The following GLIS3 variants were observed in gnomAD, a reference collection of about 807,000 sequenced individuals.
GLIS3 encodes zinc finger protein GLIS3.
In GLIS3, 53 loss-of-function variants were observed where a neutral mutation model predicts 78.6. The ratio of observed to expected loss-of-function variants is 0.67; its 90% CI spans 0.54 to 0.85. The LOEUF is 0.85. GLIS3 is among the 40% of genes least tolerant of loss of function. GLIS3 has a pLI of 0.00. For synonymous variants in GLIS3, 684 were observed against 509.9 expected (o/e 1.34, Z -4.60); for missense variants, 1,703 against 1,231.1 (o/e 1.38, Z -5.74).
At position 3,956,028 on chromosome 9, in the gene GLIS3, C is replaced by CCA. The variant is rs1491307787; in HGVS notation, c.1711-18840_1711-18839insTG. Among the ~76,000 whole-genome samples the CCA allele has an allele frequency of 2.4e-3, 212 of 87,478 alleles. 2 individuals are homozygous for CCA. The South Asian group carries it at 0.032, about 13-fold the overall frequency. The allele number at this position is 87,478 out of a possible 152,430, so 57.4% of individuals were successfully genotyped here. A position where few individuals can be genotyped will look rare whatever the true frequency, so the allele number is the denominator to read the frequency against. ...CACAATTGACCTTCTCCAGATTCAGCAAAAAAAAAAAAAAAAAAAAGAAAG... is the reference window on the plus strand; with the variant it reads ...CACAATTGACCTTCTCCAGATTCAGCCAAAAAAAAAAAAAAAAAAAAAGAAAG... On this transcript the variant is annotated intron_variant, in intron 4 of 10. Transcript: ENST00000381971.
At chr9:4,051,327 G>A (rs562171958) in intron 4 of GLIS3, among the ~76,000 whole-genome samples, 1 of 152,196 alleles carries the variant, frequency 6.6e-6, no homozygotes, top group African/African-American at 2.4e-5. Context: ...GGGATAGGGG[G>A]TTGCCACTTA....
chr9:4,458,824 G>C, the GLIS3 span, among the ~76,000 whole-genome samples: 2 of 152,108 alleles, frequency 1.3e-5, no homozygotes, highest in Non-Finnish European at 2.9e-5. Flanking sequence ...ATGTCTGGGA[G>C]GAAGTAATAA....
In GLIS3 at chr9:4,326,050, G is replaced by A. The variant is rs192806946; in HGVS notation, n.265-15522C>T. On this transcript the variant is annotated intron_variant and non_coding_transcript_variant, in intron 2 of 4. Coordinates refer to the GLIS3 transcript ENST00000471664. The stretch of plus-strand genomic sequence containing the variant: ...TGGGGAACAACACACACTGGGGCCT[G>A]TCGGGGGTGGCAGGGAGGTAGAGCC... Among the ~76,000 whole-genome samples, 319 of 152,290 alleles carry A rather than the reference G, an allele frequency of 2.1e-3. 1 individual carries two copies. Among genetic ancestry groups the A allele is most frequent in the African/African-American group, 7.6e-3 (314 of 41,558 alleles).
chr9:3,866,548 CAAAG>C (rs1820600469), intron 8 of GLIS3, among the ~76,000 whole-genome samples: 1 of 152,260 alleles, frequency 6.6e-6, no homozygotes, highest in Admixed American at 6.5e-5. Flanking sequence ...GCAGACATCA[CAAAG>C]GAAGGCACAG....
chr9:4,095,944 G>T (rs923925119), intron 4 of GLIS3, among the ~76,000 whole-genome samples: 9 of 149,652 alleles, frequency 6.0e-5, no homozygotes, highest in African/African-American at 2.2e-4. Context: ...AAACCTAAAT[G>T]GTTCTGCCTA....
At chr9:4,266,657 G>C (rs1191863954) in intron 2 of GLIS3, among the ~76,000 whole-genome samples, 1 of 151,606 alleles carries the variant, frequency 6.6e-6, no homozygotes, top group East Asian at 1.9e-4. Context: ...CATGCTTCTG[G>C]ACTGTGTACA....
chr9:3,893,991 T>C (rs1588166819), intron 7 of GLIS3, among the ~76,000 whole-genome samples: 2 of 152,332 alleles, frequency 1.3e-5, no homozygotes, highest in African/African-American at 4.8e-5. Context: ...TCTAACTCGG[T>C]GGACCATCAC....
At chr9:4,340,002 A>G (rs1817812417) in intron 2 of GLIS3, among the ~76,000 whole-genome samples, 1 of 151,742 alleles carries the variant, frequency 6.6e-6, no homozygotes, top group South Asian at 2.1e-4. Context: ...AGACACAAAG[A>G]CTAGGGAGAA....
At chr9:4,159,293 G>T (rs1835290832) in intron 2 of GLIS3, among the ~76,000 whole-genome samples, 1 of 152,186 alleles carries the variant, frequency 6.6e-6, no homozygotes, top group African/African-American at 2.4e-5. Context: ...CTCGCATTTT[G>T]TACAATCTCT....
chr9:4,477,712 C>A, the GLIS3 span, among the ~76,000 whole-genome samples: 1 of 152,054 alleles, frequency 6.6e-6, no homozygotes, highest in Non-Finnish European at 1.5e-5. Context: ...CCACTCCTGG[C>A]TAGAGGTTAG....
chr9:4,237,538 T>C (rs554391997), intron 2 of GLIS3, among the ~76,000 whole-genome samples: 3 of 152,352 alleles, frequency 2.0e-5, no homozygotes, highest in African/African-American at 7.2e-5. Context: ...ACAAATGGCA[T>C]CATTATCATT....
chr9:4,213,620 T>C (rs1030714394), intron 2 of GLIS3, among the ~76,000 whole-genome samples: 1 of 152,224 alleles, frequency 6.6e-6, no homozygotes, highest in African/African-American at 2.4e-5. Flanking sequence ...GACTACCATA[T>C]TGAACAGCAC....
At chr9:4,062,106 C>T (rs1436736484) in intron 4 of GLIS3, among the ~76,000 whole-genome samples, 1 of 152,188 alleles carries the variant, frequency 6.6e-6, no homozygotes, top group African/African-American at 2.4e-5. Flanking sequence ...CCAAATCACA[C>T]TAAGTACATA....
chr9:4,374,775 G>C, the GLIS3 span, among the ~76,000 whole-genome samples: 62 of 152,344 alleles, frequency 4.1e-4, 3 homozygotes, highest in Non-Finnish European at 1.9e-4. Context: ...GTCCAAGAAA[G>C]TCAATTAGCT....
intron 4 of GLIS3, among the ~76,000 whole-genome samples, chr9:4,062,781 T>C (rs10814824): frequency 6.6e-6 from 1 of 151,840 alleles, no homozygotes; most frequent in Admixed American, 6.6e-5. Context: ...CAAAAAAAAT[T>C]AGCCAGGCAC....
the GLIS3 span, among the ~76,000 whole-genome samples, chr9:4,403,555 C>G: frequency 6.6e-6 from 1 of 151,988 alleles, no homozygotes; most frequent in Non-Finnish European, 1.5e-5. Flanking sequence ...TACAAAAAGT[C>G]AAAAAGCAGG....
chr9:4,022,016 A>G (rs939056511), intron 4 of GLIS3, among the ~76,000 whole-genome samples: 2 of 152,200 alleles, frequency 1.3e-5, no homozygotes, highest in Non-Finnish European at 2.9e-5. Flanking sequence ...CAAAGCACTT[A>G]GGCACTTCTC....
At chr9:4,247,472 T>C (rs772758590) in intron 2 of GLIS3, among the ~76,000 whole-genome samples, 1 of 152,116 alleles carries the variant, frequency 6.6e-6, no homozygotes, top group Non-Finnish European at 1.5e-5. Context: ...ATGCACCCTG[T>C]CTCATCAAAT....
intron 4 of GLIS3, among the ~76,000 whole-genome samples, chr9:4,081,580 C>A (rs912471634): frequency 1.3e-5 from 2 of 152,162 alleles, no homozygotes; most frequent in East Asian, 3.9e-4. Context: ...TGGATAAACA[C>A]GTGTAAAGCC....
Sources: gnomAD v4.1 joint callset for allele counts (sites outside exome capture counted in the v4.1 genomes callset) on GRCh38, gnomAD v4.1.1 for gene constraint, MANE v1.5 for transcripts, NCBI Gene and HGNC (gene_info 2026-07-23, HGNC 2026-07-21) for gene names.